The following RELN variants were observed in gnomAD, a reference collection of about 807,000 sequenced individuals.
RELN encodes reelin.
Under a neutral mutation model 427.6 loss-of-function variants are expected in RELN, and 108 were observed. That is an observed-to-expected ratio of 0.25 (90% CI 0.22 to 0.30). The LOEUF is 0.30. Among genes scored for constraint, RELN ranks in the 10% least tolerant of loss-of-function variants. The probability of loss-of-function intolerance (pLI) is 1.00; values close to 1 mark genes in which losing one functional copy is unlikely to be tolerated. For missense variants in RELN, 3,715 were observed against 4,302.8 expected (o/e 0.86, Z 3.82); for synonymous variants, 1,524 against 1,513.4 (o/e 1.01, Z -0.16).
intron 3 of RELN, among the ~76,000 whole-genome samples, chr7:103,803,288 GTGA>G (rs1038169793): frequency 6.6e-6 from 1 of 152,112 alleles, no homozygotes; most frequent in Non-Finnish European, 1.5e-5. Context: ...TGTACTCACA[GTGA>G]TGATGATTAA....
At chr7:103,677,537 G>A (rs1361777286) in intron 11 of RELN, among the ~76,000 whole-genome samples, 8 of 148,586 alleles carry the variant, frequency 5.4e-5, no homozygotes, top group African/African-American at 9.9e-5. Flanking sequence ...AGGCCAAGGC[G>A]GGCAGATCAC....
intron 8 of RELN, among the ~76,000 whole-genome samples, chr7:103,710,537 A>C (rs1478773658): frequency 6.6e-6 from 1 of 152,238 alleles, no homozygotes; most frequent in East Asian, 1.9e-4. Context: ...AAGATTAGTC[A>C]CTATACAAGG....
At chr7:103,783,013 C>A (rs1563010756) in intron 3 of RELN, among the ~76,000 whole-genome samples, 1 of 152,004 alleles carries the variant, frequency 6.6e-6, no homozygotes, top group Non-Finnish European at 1.5e-5. Flanking sequence ...CCAAGCCACC[C>A]TTCAGGAAAG....
chr7:103,482,794 G>C, intron 63 of RELN, 79 bp downstream of exon 63: 1 of 1,608,784 alleles, frequency 6.2e-7, no homozygotes, highest in Non-Finnish European at 8.5e-7. Context: ...GGATCTTACT[G>C]AATTAAGGGT....
At chr7:103,841,087 T>A (rs976322151) in intron 2 of RELN, among the ~76,000 whole-genome samples, 2 of 152,268 alleles carry the variant, frequency 1.3e-5, no homozygotes, top group East Asian at 3.9e-4. Context: ...AATAAACAAG[T>A]CAAATGTGGC....
chr7:103,878,822 T>G (rs544367695), intron 2 of RELN, among the ~76,000 whole-genome samples: 13 of 152,308 alleles, frequency 8.5e-5, no homozygotes, highest in African/African-American at 3.1e-4. Flanking sequence ...CAACAGAATA[T>G]ATGCTTCTGA....
rs587780439 is a variant in RELN, at chr7:103,566,253, T to G, written c.4907A>C (p.Asp1636Ala). The change falls in exon 33 of 65, where the codon GAT becomes GCT. Residue 1636 changes from aspartate (D) to alanine (A), a missense_variant. Asp to Ala is a moderately radical substitution (Grantham distance 126). Around this residue, in one of 4 missense-constraint regions of RELN, gnomAD observed 2,208 missense variants for 2,361.7 expected, o/e 0.93. Coordinates refer to ENST00000428762, the MANE Select transcript of RELN (RefSeq NM_005045.4). ...GTTTTCAGTGAATATCAGAGCAGTA[T>G]CCATAGAGAGACAGTCAATATCAAC... The part of the protein sequence containing the change: ...GQVDIDCLSM[D>A]TALIFTENIG... 6 of 1,613,904 alleles carry G rather than the reference T, an allele frequency of 3.7e-6. No individual in the cohort carries two copies. The South Asian group carries it at 5.5e-5, about 15-fold the overall frequency.
intron 2 of RELN, among the ~76,000 whole-genome samples, chr7:103,903,474 T>C (rs758110189): frequency 5.3e-5 from 8 of 152,098 alleles, no homozygotes; most frequent in Non-Finnish European, 7.4e-5. Flanking sequence ...TCAGAGCAAA[T>C]GTCTGCTTTA....
chr7:103,900,002 C>A (rs1171671320), intron 2 of RELN, among the ~76,000 whole-genome samples: 1 of 152,086 alleles, frequency 6.6e-6, no homozygotes, highest in East Asian at 1.9e-4. Flanking sequence ...AAGAGGAAGT[C>A]AAATAGTCCC....
intron 3 of RELN, among the ~76,000 whole-genome samples, chr7:103,790,549 G>A (rs534466462): frequency 3.9e-5 from 6 of 152,044 alleles, no homozygotes; most frequent in Non-Finnish European, 7.4e-5. Flanking sequence ...CCCACCCTCC[G>A]CCCCTCCAAA....
intron 3 of RELN, among the ~76,000 whole-genome samples, chr7:103,778,498 T>G (rs1353093166): frequency 6.6e-6 from 1 of 152,218 alleles, no homozygotes; most frequent in Non-Finnish European, 1.5e-5. Flanking sequence ...ACAAGCCTAC[T>G]TGTCATTGTG....
intron 7 of RELN, among the ~76,000 whole-genome samples, chr7:103,726,938 A>G (rs1790227046): frequency 6.6e-6 from 1 of 152,160 alleles, no homozygotes; most frequent in African/African-American, 2.4e-5. Context: ...TTTGCATCCA[A>G]TTAATTCTGT....
chr7:103,568,681 G>A (rs1361985787), intron 31 of RELN, among the ~76,000 whole-genome samples: 1 of 152,210 alleles, frequency 6.6e-6, no homozygotes, highest in Admixed American at 6.5e-5. Context: ...GATATTGGAT[G>A]TCTGAGGGTG....
At chr7:103,828,260 C>A (rs1793189772) in intron 3 of RELN, among the ~76,000 whole-genome samples, 1 of 151,966 alleles carries the variant, frequency 6.6e-6, no homozygotes, top group Non-Finnish European at 1.5e-5. Context: ...TTGAGCCTGG[C>A]AGGTGTTCAG....
At chr7:103,633,894 G>A (rs931335426) in intron 19 of RELN, among the ~76,000 whole-genome samples, 1 of 151,854 alleles carries the variant, frequency 6.6e-6, no homozygotes, top group African/African-American at 2.4e-5. Flanking sequence ...GGTTTCTTTA[G>A]GATTCATTTG....
At chr7:103,565,590 G>C in intron 33 of RELN, 39 bp from the exon 34 acceptor site, 1 of 1,596,014 alleles carries the variant, frequency 6.3e-7, no homozygotes, top group Non-Finnish European at 8.6e-7. Flanking sequence ...ATATATGTGT[G>C]CCATTTTCTT....
chr7:103,599,440 A>G (rs1257862244), intron 24 of RELN, among the ~76,000 whole-genome samples: 1 of 152,152 alleles, frequency 6.6e-6, no homozygotes, highest in Admixed American at 6.6e-5. Context: ...TAATTTTCCA[A>G]TCTATTTAGT....
chr7:103,822,044 TAATA>T (rs1793027744), intron 3 of RELN, among the ~76,000 whole-genome samples: 1 of 152,114 alleles, frequency 6.6e-6, no homozygotes, highest in South Asian at 2.1e-4. Context: ...TAATTTCATT[TAATA>T]TTTATTTCTC....
intron 6 of RELN, among the ~76,000 whole-genome samples, chr7:103,742,785 G>C (rs1790701966): frequency 6.6e-6 from 1 of 152,230 alleles, no homozygotes; most frequent in African/African-American, 2.4e-5. Flanking sequence ...ATCTACGTCT[G>C]ACTGGTGTAC....
Sources: gnomAD v4.1 joint callset for allele counts (sites outside exome capture counted in the v4.1 genomes callset) on GRCh38, gnomAD v4.1.1 for gene constraint, gnomAD v4.1.1 regional missense constraint, MANE v1.5 for transcripts, NCBI Gene and HGNC (gene_info 2026-07-23, HGNC 2026-07-21) for gene names.